The following LINGO2 variants were observed in gnomAD, a reference collection of about 807,000 sequenced individuals.
LINGO2 encodes the protein leucine-rich repeat and immunoglobulin-like domain-containing nogo receptor-interacting protein 2.
Under a neutral mutation model 30.6 loss-of-function variants are expected in LINGO2, and 14 were observed. That is an observed-to-expected ratio of 0.46 (90% CI 0.30 to 0.72). The LOEUF (loss-of-function observed/expected upper bound fraction) is 0.72, where lower values mean the gene tolerates loss of function less well. Among genes scored for constraint, LINGO2 ranks in the 30% least tolerant of loss-of-function variants. LINGO2 has a pLI of 0.07. For missense variants in LINGO2, 729 were observed against 751.7 expected (o/e 0.97, Z 0.35); for synonymous variants, 317 against 288.5 (o/e 1.10, Z -1.00).
intron 4 of LINGO2, among the ~76,000 whole-genome samples, chr9:28,060,590 A>G (rs1448827409): frequency 6.6e-6 from 1 of 152,168 alleles, no homozygotes. Context: ...TTAGAGCTTG[A>G]ACTAATTATT....
chr9:28,827,891 G>A, the LINGO2 span, among the ~76,000 whole-genome samples: 3 of 152,032 alleles, frequency 2.0e-5, no homozygotes, highest in Admixed American at 1.3e-4. Context: ...CTACTTAAAA[G>A]TCAATGCAGA....
chr9:28,995,162 C>G, the LINGO2 span, among the ~76,000 whole-genome samples: 1 of 152,128 alleles, frequency 6.6e-6, no homozygotes, highest in Non-Finnish European at 1.5e-5. Context: ...TGAACTCAAA[C>G]AAATTTACAA....
chr9:28,059,785 G>C (rs1825084870), intron 4 of LINGO2, among the ~76,000 whole-genome samples: 1 of 151,990 alleles, frequency 6.6e-6, no homozygotes, highest in Non-Finnish European at 1.5e-5. Flanking sequence ...AACCAACAAT[G>C]CCATTCTGAA....
chr9:29,124,842 A>G, the LINGO2 span, among the ~76,000 whole-genome samples: 1 of 152,178 alleles, frequency 6.6e-6, no homozygotes, highest in Admixed American at 6.5e-5. Flanking sequence ...CCATTGTGGA[A>G]GACAGTGTAG....
the LINGO2 span, among the ~76,000 whole-genome samples, chr9:28,752,495 A>G: frequency 2.0e-5 from 3 of 152,038 alleles, no homozygotes; most frequent in Non-Finnish European, 4.4e-5. Context: ...AATCTATGCT[A>G]TATTGTACAT....
intron 4 of LINGO2, among the ~76,000 whole-genome samples, chr9:28,288,372 T>C (rs2134157192): frequency 6.6e-6 from 1 of 152,282 alleles, no homozygotes; most frequent in East Asian, 1.9e-4. Context: ...CCCACTCCAT[T>C]TGATTGAAGT....
At chr9:28,789,744 G>C in the LINGO2 span, among the ~76,000 whole-genome samples, 6 of 152,162 alleles carry the variant, frequency 3.9e-5, no homozygotes, top group African/African-American at 1.4e-4. Context: ...AATCAAGAGA[G>C]GTGAGAAAGC....
At chr9:28,191,104 T>C (rs1371148348) in intron 4 of LINGO2, among the ~76,000 whole-genome samples, 1 of 152,164 alleles carries the variant, frequency 6.6e-6, no homozygotes, top group Non-Finnish European at 1.5e-5. Context: ...CAGTCCCAAA[T>C]CATATTTTCC....
chr9:28,338,907 T>G (rs1229139171), intron 3 of LINGO2, among the ~76,000 whole-genome samples: 1 of 151,886 alleles, frequency 6.6e-6, no homozygotes, highest in African/African-American at 2.4e-5. Flanking sequence ...CACCACCCCC[T>G]CATCCACTAA....
chr9:28,297,252 T>C (rs1823956849), intron 3 of LINGO2, among the ~76,000 whole-genome samples: 1 of 152,184 alleles, frequency 6.6e-6, no homozygotes, highest in African/African-American at 2.4e-5. Context: ...ATGGCTATAT[T>C]TTATTACACA....
the LINGO2 span, among the ~76,000 whole-genome samples, chr9:28,775,592 T>A: frequency 6.6e-6 from 1 of 152,180 alleles, no homozygotes; most frequent in Non-Finnish European, 1.5e-5. Context: ...GTAAGATCAC[T>A]GGACTATGGG....
At chr9:28,749,597 T>C in the LINGO2 span, among the ~76,000 whole-genome samples, 1 of 150,998 alleles carries the variant, frequency 6.6e-6, no homozygotes, top group South Asian at 2.1e-4. Context: ...AATCAGCATT[T>C]ATAAAAAAAA....
chr9:28,039,426 A>C (rs917451156), intron 4 of LINGO2, among the ~76,000 whole-genome samples: 1 of 152,222 alleles, frequency 6.6e-6, no homozygotes, highest in African/African-American at 2.4e-5. Context: ...GGCGCAACTA[A>C]CAGTGGGAAG....
intron 2 of LINGO2, among the ~76,000 whole-genome samples, chr9:28,470,086 C>G (rs1249200686): frequency 6.6e-6 from 1 of 151,870 alleles, no homozygotes; most frequent in Non-Finnish European, 1.5e-5. Flanking sequence ...TAAAGATGAA[C>G]AGGGTGAAGC....
chr9:28,169,913 C>T (rs938885006), intron 4 of LINGO2, among the ~76,000 whole-genome samples: 1 of 152,136 alleles, frequency 6.6e-6, no homozygotes, highest in African/African-American at 2.4e-5. Flanking sequence ...GTCATCTTTC[C>T]AACGAGGCCT....
the LINGO2 span, among the ~76,000 whole-genome samples, chr9:28,937,492 A>C: frequency 6.6e-6 from 1 of 152,198 alleles, no homozygotes; most frequent in Non-Finnish European, 1.5e-5. Context: ...ATTCTGTTAG[A>C]TCTGAAGGTT....
At chr9:28,965,095 A>C in the LINGO2 span, among the ~76,000 whole-genome samples, 1 of 151,976 alleles carries the variant, frequency 6.6e-6, no homozygotes, top group South Asian at 2.1e-4. Context: ...TTATGCATCA[A>C]ATGGTAAAGA....
the LINGO2 span, among the ~76,000 whole-genome samples, chr9:29,083,118 A>G: frequency 4.5e-4 from 69 of 152,288 alleles, no homozygotes; most frequent in South Asian, 0.014. Flanking sequence ...ATGCTGCTAT[A>G]AAGACACATG....
At chr9:28,714,233 A>C in the LINGO2 span, among the ~76,000 whole-genome samples, 19 of 149,844 alleles carry the variant, frequency 1.3e-4, no homozygotes, top group East Asian at 3.9e-4. Context: ...ATATATATAT[A>C]TCTCTCTCCA....
Sources: gnomAD v4.1 joint callset for allele counts (sites outside exome capture counted in the v4.1 genomes callset) on GRCh38, gnomAD v4.1.1 for gene constraint, MANE v1.5 for transcripts, NCBI Gene and HGNC (gene_info 2026-07-23, HGNC 2026-07-21) for gene names.